Variants in POLR1C observed in about 807,000 individuals in gnomAD.
POLR1C encodes the protein DNA-directed RNA polymerases I and III subunit RPAC1.
In POLR1C, 42 loss-of-function variants were observed where a neutral mutation model predicts 38.3. The observed-to-expected ratio is 1.10, with a 90% CI of 0.86 to 1.42. The LOEUF (loss-of-function observed/expected upper bound fraction) is 1.42. POLR1C is among the 40% of genes most tolerant of loss of function. The pLI, the probability that POLR1C is intolerant of heterozygous loss-of-function variation, is 0.00. For synonymous variants in POLR1C, 163 were observed against 163.9 expected (o/e 0.99, Z 0.04); for missense variants, 507 against 450.5 (o/e 1.13, Z -1.14).
downstream of POLR1C, among the ~76,000 whole-genome samples, chr6:43,521,684 G>GCTA (rs1793199339): frequency 6.6e-6 from 1 of 152,090 alleles, no homozygotes; most frequent in Non-Finnish European, 1.5e-5. Flanking sequence ...ACCACACCTA[G>GCTA]CTATATGTCT....
chr6:43,547,645 G>C (rs770107104), intron 9 of POLR1C: 1 of 1,614,012 alleles, frequency 6.2e-7, no homozygotes, highest in South Asian at 1.1e-5. Flanking sequence ...CTCCAGGCCT[G>C]GGTCACAGCT....
At chr6:43,550,358 A>G (rs1034625046) in intron 9 of POLR1C, among the ~76,000 whole-genome samples, 1 of 152,246 alleles carries the variant, frequency 6.6e-6, no homozygotes, top group African/African-American at 2.4e-5. Context: ...TGTAGTCAAG[A>G]AACTCACTGG....
At chr6:43,546,053 G>A (rs1254265085) in intron 9 of POLR1C, among the ~76,000 whole-genome samples, 1 of 152,116 alleles carries the variant, frequency 6.6e-6, no homozygotes, top group African/African-American at 2.4e-5. Flanking sequence ...TTAGGACTCA[G>A]CTTTGAGAAC....
At chr6:43,536,200 A>G (rs1409598054) in intron 9 of POLR1C, among the ~76,000 whole-genome samples, 1 of 151,688 alleles carries the variant, frequency 6.6e-6, no homozygotes, top group Non-Finnish European at 1.5e-5. Flanking sequence ...GGATCACCTG[A>G]GGTCAGGAGT....
At chr6:43,561,410 A>T in exon 11 of POLR1C, 1 of 162,528 alleles carries the variant, frequency 6.2e-6, no homozygotes, top group Non-Finnish European at 1.3e-5. Context: ...ATGGAGTCTC[A>T]CTCTGTTGCT....
intron 3 of POLR1C, 56 bp from the exon 4 acceptor site, chr6:43,519,650 A>C (rs906814190): frequency 6.2e-7 from 1 of 1,613,338 alleles, no homozygotes; most frequent in Non-Finnish European, 8.5e-7. Context: ...GGTTACGGGG[A>C]TAGGTAGGGG....
intron 9 of POLR1C, chr6:43,539,388 C>T (rs1794555137): frequency 1.9e-6 from 3 of 1,578,276 alleles, no homozygotes; most frequent in South Asian, 1.1e-5. Context: ...ATCTTCAAAA[C>T]CTCATCCTTG....
intron 9 of POLR1C, among the ~76,000 whole-genome samples, chr6:43,535,319 G>A (rs1385981760): frequency 2.0e-5 from 3 of 151,978 alleles, no homozygotes; most frequent in African/African-American, 7.3e-5. Flanking sequence ...GCTGGGCCCA[G>A]TGGCTCACGC....
Position 43,546,568 on chromosome 6 carries a change from C to T in POLR1C, c.*5-4400C>T. 2 of 1,599,692 alleles carry T rather than the reference C, an allele frequency of 1.3e-6. No individual in the cohort carries two copies. The highest frequency in any genetic ancestry group is 1.7e-6 in the Non-Finnish European group (2 of 1,175,434). On this transcript the variant is annotated intron_variant, in intron 9 of 10. Transcript: ENST00000607635. ...ACAGAGAAAAGCCATTATTCTGACTCACCTTATAAGCGCAAGCAAATTGTC... is the reference window on the plus strand; with the variant it reads ...ACAGAGAAAAGCCATTATTCTGACTTACCTTATAAGCGCAAGCAAATTGTC...
chr6:43,524,767 G>A, downstream of POLR1C: 2 of 1,600,982 alleles, frequency 1.2e-6, no homozygotes, highest in Non-Finnish European at 1.7e-6. Context: ...TAAGGCCCAA[G>A]AGACTAGGAG....
intron 10 of POLR1C, among the ~76,000 whole-genome samples, chr6:43,558,247 A>C (rs1048720074): frequency 2.0e-5 from 3 of 152,180 alleles, no homozygotes; most frequent in Admixed American, 6.5e-5. Flanking sequence ...AAAAGTCAAG[A>C]GCGTCTTAAG....
rs1793179427 is a variant in POLR1C at position 43,521,365 on chromosome 6, G to T, written c.*65G>T. The T allele has an allele frequency of 6.2e-7, 1 of 1,610,196 alleles. No individual in the cohort carries two copies. Among genetic ancestry groups the T allele is most frequent in the African/African-American group, 1.3e-5 (1 of 74,958 alleles). ...GACTGACCCACCCTACAGGACTGCT[G>T]AACAGAGAGCCCAGTGTGACTAGGG... On this transcript the variant is annotated 3_prime_UTR_variant, in exon 9 of 9. Transcript: ENST00000642195.
At chr6:43,555,573 T>C (rs961197442) in intron 10 of POLR1C, 12 of 268,444 alleles carry the variant, frequency 4.5e-5, no homozygotes, top group Non-Finnish European at 7.7e-5. Context: ...CAATAAATAA[T>C]TGGTTGATTC....
chr6:43,525,179 A>G (rs1399563508), downstream of POLR1C: 1 of 1,583,918 alleles, frequency 6.3e-7, no homozygotes, highest in South Asian at 1.2e-5. Context: ...AGGCCAGGGA[A>G]TTGAAGGCTG....
At chr6:43,521,771 T>TA (rs778450296), downstream of POLR1C, among the ~76,000 whole-genome samples, 17 of 152,218 alleles carry the variant, frequency 1.1e-4, no homozygotes, top group South Asian at 2.1e-4. Flanking sequence ...CCTCAAGTGA[T>TA]ACGCCTGCCT....
At chr6:43,537,459 G>A (rs1474856210) in intron 9 of POLR1C, among the ~76,000 whole-genome samples, 2 of 152,138 alleles carry the variant, frequency 1.3e-5, no homozygotes, top group African/African-American at 4.8e-5. Flanking sequence ...CATGTTTTAA[G>A]CTTGGCCGGC....
intron 10 of POLR1C, chr6:43,553,405 T>C (rs745345150): frequency 1.6e-5 from 26 of 1,607,520 alleles, no homozygotes; most frequent in Non-Finnish European, 2.0e-5. Context: ...ATCTGGGTGA[T>C]AACACTTTCC....
At chr6:43,525,845 C>A (rs766964553), downstream of POLR1C, 3 of 1,614,022 alleles carry the variant, frequency 1.9e-6, no homozygotes, top group South Asian at 3.3e-5. Flanking sequence ...CCACCTCATG[C>A]TTCATCAGAC....
downstream of POLR1C, chr6:43,525,049 C>CA: frequency 6.3e-7 from 1 of 1,578,750 alleles, no homozygotes; most frequent in Non-Finnish European, 8.6e-7. Flanking sequence ...ATGATTTAGT[C>CA]AGTCTGCATG....
Sources: gnomAD v4.1 joint callset for allele counts (sites outside exome capture counted in the v4.1 genomes callset) on GRCh38, gnomAD v4.1.1 for gene constraint, MANE v1.5 for transcripts, NCBI Gene and HGNC (gene_info 2026-07-23, HGNC 2026-07-21) for gene names.